The following LRIT3 variants were observed in gnomAD, a reference collection of about 807,000 sequenced individuals.
LRIT3 encodes leucine rich repeat, Ig-like and transmembrane domains 3, also known as leucine-rich repeat, immunoglobulin-like domain and transmembrane domain-containing protein 3.
LRIT3 carries 14 observed loss-of-function variants against 22.6 expected under a neutral mutation model. That is an observed-to-expected ratio of 0.62 (90% confidence interval 0.41 to 0.97). The LOEUF (loss-of-function observed/expected upper bound fraction) is 0.97. Ranked by LOEUF, LRIT3 falls within the 50% of genes least tolerant of loss-of-function variation. The probability of loss-of-function intolerance (pLI) is 0.00; values close to 1 mark genes in which losing one functional copy is unlikely to be tolerated. For missense variants in LRIT3, 783 were observed against 803.0 expected, an observed-to-expected ratio of 0.98 and a Z score of 0.30; for synonymous variants, 306 against 304.5, an observed-to-expected ratio of 1.01 and a Z score of -0.05.
In LRIT3 at chr4:109,872,027, C is replaced by T. The variant is rs1040374448; in HGVS notation, c.*1238C>T. On this transcript the variant is annotated 3_prime_UTR_variant, in exon 4 of 4. Coordinates refer to ENST00000594814, the MANE Select transcript of LRIT3 (RefSeq NM_198506.5). ...GGATGCAACCTGGCCTAGGGATTTC[C>T]AGAAGACAAGGCCACCTCAGCACAG... is the stretch of plus-strand genomic sequence containing the variant. The T allele has an allele frequency of 3.3e-5, 5 of 152,182 alleles. No homozygotes were observed. The highest frequency in any genetic ancestry group is 1.2e-4 in the African/African-American group (5 of 41,440). The allele number at this position is 152,182 out of a possible 1,614,324, so 9.4% of individuals were successfully genotyped here.
rs1304465969 is a variant in LRIT3 at position 109,870,280 on chromosome 4, C to T, written c.1531C>T (p.His511Tyr). The T allele has an allele frequency of 6.2e-7, 1 of 1,614,060 alleles. No homozygotes were observed. The highest frequency in any genetic ancestry group is 8.5e-7 in the Non-Finnish European group (1 of 1,180,030). ...TLTWNMINTT[H>Y]NSAVTVLYSK... ...GACGTGGAATATGATCAACACCACA[C>T]ATAACTCTGCAGTGACTGTGTTGTA... The change falls in exon 4 of 4, where the codon CAT becomes TAT. Residue 511 changes from histidine (H) to tyrosine (Y), a missense_variant. By Grantham distance (83) the His-to-Tyr change is moderately conservative. Around this residue, in one of 2 missense-constraint regions of LRIT3, gnomAD observed 756 missense variants for 753.8 expected, o/e 1.00. Transcript: ENST00000594814.
chr4:109,849,376 G>A (rs1473804521), intron 1 of LRIT3, among the ~76,000 whole-genome samples: 1 of 152,078 alleles, frequency 6.6e-6, no homozygotes, highest in Non-Finnish European at 1.5e-5. Context: ...CCTTCTTTGT[G>A]GTGACCCCAT....
At chr4:109,851,393 G>A (rs1734251659) in intron 1 of LRIT3, 111 bp from the exon 2 acceptor site, 2 of 1,399,634 alleles carry the variant, frequency 1.4e-6, no homozygotes, top group Non-Finnish European at 1.9e-6. Flanking sequence ...GGGATTACAG[G>A]CGTGAGCCAC....
chr4:109,850,434 T>TCTTC (rs1734210873), intron 1 of LRIT3, among the ~76,000 whole-genome samples: 2 of 92,720 alleles, frequency 2.2e-5, no homozygotes, highest in Non-Finnish European at 4.2e-5. Flanking sequence ...TTTCTTTCTT[T>TCTTC]CTTTCTTTCT....
At chr4:109,867,584 A>T in intron 2 of LRIT3, 57 bp from the exon 3 acceptor site, 1 of 1,390,984 alleles carries the variant, frequency 7.2e-7, no homozygotes, top group Non-Finnish European at 9.7e-7. Context: ...AAGAGGCAGG[A>T]TGTAAACTGA....
In LRIT3 at chr4:109,867,654, T is replaced by C. The variant is rs1734715907; in HGVS notation, c.603T>C (p.Asn201=). The change falls in exon 3 of 4, where the codon AAT becomes AAC. Residue 201 remains asparagine (N), a synonymous_variant. Coordinates refer to ENST00000594814, the MANE Select transcript of LRIT3 (RefSeq NM_198506.5). The part of the protein sequence containing the change: ...PSRIILGLQD[N]PWFCDCHISK... Reference sequence around the variant, plus strand: ...CTTCTGTTTTAGGTCTACAGGACAATCCTTGGTTCTGTGACTGTCATATTT... The same window carrying C: ...CTTCTGTTTTAGGTCTACAGGACAACCCTTGGTTCTGTGACTGTCATATTT... 6 of 1,613,838 alleles carry C rather than the reference T, an allele frequency of 3.7e-6. No individual in the cohort carries two copies. Among genetic ancestry groups the C allele is most frequent in the Non-Finnish European group, 5.1e-6 (6 of 1,179,776 alleles).
intron 2 of LRIT3, among the ~76,000 whole-genome samples, chr4:109,863,253 A>T (rs1000911362): frequency 4.6e-5 from 7 of 152,212 alleles, no homozygotes; most frequent in African/African-American, 9.7e-5. Flanking sequence ...AGCTTTAACC[A>T]CTGTGGTGGG....
At chr4:109,865,370 A>T (rs1390879374) in intron 2 of LRIT3, 26 of 1,386,424 alleles carry the variant, frequency 1.9e-5, no homozygotes, top group Non-Finnish European at 2.5e-5. Flanking sequence ...TACAATAATG[A>T]CTGAATATCT....
intron 2 of LRIT3, 66 bp from the exon 3 acceptor site, chr4:109,867,575 A>G: frequency 3.0e-6 from 4 of 1,329,648 alleles, no homozygotes; most frequent in Non-Finnish European, 4.1e-6. Flanking sequence ...TACTTTCTCA[A>G]GAGGCAGGAT....
chr4:109,855,448 T>C (rs546144443), intron 2 of LRIT3, among the ~76,000 whole-genome samples: 56 of 152,266 alleles, frequency 3.7e-4, no homozygotes, highest in African/African-American at 1.3e-3. Context: ...TTATTAGTCT[T>C]GCTAGCGGTC....
chr4:109,849,805 GT>G (rs1450065238), intron 1 of LRIT3, among the ~76,000 whole-genome samples: 1 of 151,944 alleles, frequency 6.6e-6, no homozygotes, highest in Non-Finnish European at 1.5e-5. Context: ...TAGAGATGGG[GT>G]TTCATCATGT....
intron 2 of LRIT3, among the ~76,000 whole-genome samples, chr4:109,864,595 T>A (rs544216592): frequency 6.6e-6 from 1 of 152,366 alleles, no homozygotes; most frequent in African/African-American, 2.4e-5. Context: ...TTTGTTAAAC[T>A]GTGTGGGTCA....
intron 2 of LRIT3, chr4:109,865,189 A>G (rs375948078): frequency 4.7e-6 from 7 of 1,485,124 alleles, no homozygotes; most frequent in Non-Finnish European, 5.5e-6. Flanking sequence ...TGCCGATGAG[A>G]AAACAGGCTC....
intron 2 of LRIT3, among the ~76,000 whole-genome samples, chr4:109,853,129 C>T (rs562593854): frequency 3.6e-4 from 55 of 152,284 alleles, no homozygotes; most frequent in African/African-American, 1.3e-3. Context: ...AATGGTATTT[C>T]TGGTTCTAGG....
At chr4:109,855,520 T>G (rs1377350427) in intron 2 of LRIT3, among the ~76,000 whole-genome samples, 2 of 152,204 alleles carry the variant, frequency 1.3e-5, no homozygotes, top group African/African-American at 4.8e-5. Flanking sequence ...TTTGAAGGGT[T>G]TTTTCTGTCT....
chr4:109,867,044 A>G (rs1286877904), intron 2 of LRIT3, among the ~76,000 whole-genome samples: 1 of 152,184 alleles, frequency 6.6e-6, no homozygotes, highest in Non-Finnish European at 1.5e-5. Context: ...CAAAGCTTGC[A>G]TTACCTCAAT....
At position 109,851,837 on chromosome 4, in the gene LRIT3, G is replaced by A. The variant is rs1273188290; in HGVS notation, c.450G>A (p.Arg150=). The change falls in exon 2 of 4, where the codon AGG becomes AGA. Residue 150 remains arginine (R), a synonymous_variant. Transcript: ENST00000594814. ...CCAGTGTGCCAAATGAGGCGCTCAG[G>A]TATCTGAAGAACCTTGCCTACTTGG... ...KITSVPNEAL[R]YLKNLAYLDL... 2 of 1,551,678 alleles carry A rather than the reference G, an allele frequency of 1.3e-6. No homozygotes were observed. The highest frequency in any genetic ancestry group is 1.2e-5 in the South Asian group (1 of 84,050).
chr4:109,860,489 C>A (rs1372375965), intron 2 of LRIT3, among the ~76,000 whole-genome samples: 1 of 152,144 alleles, frequency 6.6e-6, no homozygotes, highest in African/African-American at 2.4e-5. Context: ...CTGGCAGAGT[C>A]AAGTTTCAAA....
intron 2 of LRIT3, among the ~76,000 whole-genome samples, chr4:109,860,146 A>G (rs1161600304): frequency 6.6e-6 from 1 of 152,216 alleles, no homozygotes; most frequent in Non-Finnish European, 1.5e-5. Context: ...ACACAGGCAT[A>G]TTCTGTAAGT....
Sources: allele counts gnomAD v4.1 joint callset (sites outside exome capture counted in the v4.1 genomes callset), GRCh38; gene constraint gnomAD v4.1.1; regional missense constraint gnomAD v4.1.1; transcripts MANE v1.5; gene names NCBI Gene and HGNC (gene_info 2026-07-23, HGNC 2026-07-21).